COA8: variants seen among roughly 807,000 people sequenced by gnomAD.
The protein encoded by COA8 is cytochrome c oxidase assembly factor 8.
In COA8, 20 loss-of-function variants were observed where a neutral mutation model predicts 22.0. The observed-to-expected ratio is 0.91, with a 90% CI of 0.64 to 1.32. The LOEUF is 1.32. Ranked by LOEUF, COA8 falls within the 40% of genes most tolerant of loss-of-function variation. The pLI is 0.00. For missense variants in COA8, 266 were observed against 230.0 expected, an observed-to-expected ratio of 1.16 and a Z score of -1.01; for synonymous variants, 105 against 79.9, an observed-to-expected ratio of 1.31 and a Z score of -1.68.
chr14:103,587,633 G>A (rs866872212), intron 4 of COA8, among the ~76,000 whole-genome samples: 16 of 149,406 alleles, frequency 1.1e-4, no homozygotes, highest in Admixed American at 2.0e-4. Flanking sequence ...TCAGCCTCCC[G>A]AGTAGCTGGG....
intron 3 of COA8, among the ~76,000 whole-genome samples, chr14:103,583,434 G>C (rs965191168): frequency 4.6e-5 from 7 of 151,536 alleles, no homozygotes; most frequent in Admixed American, 4.0e-4. Flanking sequence ...CCAGCTACTC[G>C]GGAGGCTGAA....
chr14:103,568,514 T>C (rs1301263265), intron 1 of COA8, among the ~76,000 whole-genome samples: 2 of 151,250 alleles, frequency 1.3e-5, no homozygotes, highest in East Asian at 1.9e-4. Flanking sequence ...TGTATACATA[T>C]ATATACACAC....
Position 103,581,617 on chromosome 14 carries a change from A to T in COA8, c.386-5657A>T, listed in dbSNP as rs2076268026. ...GAAACCATGGAAAGAAAAACCATGG[A>T]TGGAGGGGACAGCTGTGCTGCCGCC... On this transcript the variant is annotated intron_variant, in intron 3 of 4. Coordinates refer to ENST00000409074, the MANE Select transcript of COA8 (RefSeq NM_001370595.2). This position sits in a 1 kb window ranked among gnomAD's most constrained non-coding sequence, Gnocchi z 4.1. 1 of 398,652 alleles carries T rather than the reference A, an allele frequency of 2.5e-6. No individual in the cohort carries two copies. The highest frequency in any genetic ancestry group is 4.4e-5 in the Admixed American group (1 of 22,718). 24.7% of individuals were successfully genotyped at this position (398,652 alleles called of 1,614,324 possible).
chr14:103,564,551 C>T (rs1191807750), intron 1 of COA8, among the ~76,000 whole-genome samples: 4 of 139,996 alleles, frequency 2.9e-5, no homozygotes, highest in African/African-American at 1.1e-4. Flanking sequence ...ATAAGGATTT[C>T]TCTATTGTCA....
At chr14:103,572,803 A>G (rs913646309) in intron 2 of COA8, among the ~76,000 whole-genome samples, 1 of 141,056 alleles carries the variant, frequency 7.1e-6, no homozygotes, top group African/African-American at 2.6e-5. Flanking sequence ...TTCTTTTTTG[A>G]GACGGAGTCT....
At chr14:103,564,109 C>T (rs571310470) in intron 1 of COA8, among the ~76,000 whole-genome samples, 7 of 151,718 alleles carry the variant, frequency 4.6e-5, no homozygotes, top group African/African-American at 1.5e-4. Flanking sequence ...GTCGAGATCG[C>T]GCCACTGCAC....
At position 103,590,169 on chromosome 14, in the gene COA8, G is replaced by T; in HGVS notation, c.477-12G>T. ...CCACCGTGTCACCTGTGCATCCTCT[G>T]TTTCTCTACAGAGATTGGTACAAGC... On this transcript the variant is annotated splice_polypyrimidine_tract_variant and intron_variant, in intron 4 of 4. Coordinates refer to ENST00000409074, the MANE Select transcript of COA8 (RefSeq NM_001370595.2). 1 of 1,612,782 alleles carries T rather than the reference G, an allele frequency of 6.2e-7. No individual in the cohort carries two copies. Among genetic ancestry groups the T allele is most frequent in the Non-Finnish European group, 8.5e-7 (1 of 1,178,954 alleles).
At chr14:103,573,614 G>A (rs1433282727) in intron 2 of COA8, among the ~76,000 whole-genome samples, 1 of 150,796 alleles carries the variant, frequency 6.6e-6, no homozygotes, top group Admixed American at 6.6e-5. Context: ...GTGCAGTGGC[G>A]TGATCTCGGC....
In COA8 at chr14:103,585,577, C is replaced by CTTTT. The variant is rs143878801; in HGVS notation, c.386-1683_386-1680dup. On this transcript the variant is annotated intron_variant, in intron 3 of 4. Coordinates refer to ENST00000409074, the MANE Select transcript of COA8 (RefSeq NM_001370595.2). Reference sequence around the variant, plus strand: ...TTCTCCCGTTCTATAGGTTTTTTCTCTTTTTTTTTTTTTTTTTGAAACAGA... The same window carrying CTTTT: ...TTCTCCCGTTCTATAGGTTTTTTCTCTTTTTTTTTTTTTTTTTTTTTGAAACAGA... Among the ~76,000 whole-genome samples, 861 of 128,540 alleles carry CTTTT rather than the reference C, an allele frequency of 6.7e-3. 27 individuals are homozygous for CTTTT. Among genetic ancestry groups the CTTTT allele is most frequent in the African/African-American group, 0.017 (608 of 35,496 alleles). The allele number at this position is 128,540 out of a possible 152,430, so 84.3% of individuals were successfully genotyped here.
Position 103,590,316 on chromosome 14 carries a change from G to A in COA8, c.*30G>A. 1 of 1,580,766 alleles carries A rather than the reference G, an allele frequency of 6.3e-7. No homozygotes were observed. Among genetic ancestry groups the A allele is most frequent in the Non-Finnish European group, 8.7e-7 (1 of 1,154,044 alleles). On this transcript the variant is annotated 3_prime_UTR_variant, in exon 5 of 5. Coordinates refer to ENST00000409074, the MANE Select transcript of COA8 (RefSeq NM_001370595.2). ...CCACTCTGACCCAGCCAGAGTCCAG[G>A]TTTCCACAGGAAGCAGATGGAGCTC...
intron 3 of COA8, among the ~76,000 whole-genome samples, chr14:103,583,717 C>G (rs908131017): frequency 6.6e-5 from 10 of 151,976 alleles, no homozygotes; most frequent in Non-Finnish European, 1.3e-4. Flanking sequence ...GGTTAAAGAC[C>G]CAGTCCCACA....
In COA8 at chr14:103,590,188, T is replaced by TA; in HGVS notation, c.485dup (p.Tyr162Ter). The change falls in exon 5 of 5, where the codon TAC becomes TAAC. Residue 162 changes from tyrosine (Y) to a stop codon, truncating the protein, a stop_gained and frameshift_variant. Transcript: ENST00000409074. LOFTEE classifies it high-confidence loss of function. ...QKHMYYNRDW[Y>*]KRNFAITFFM... is the part of the protein sequence containing the mutation. ...TCCTCTGTTTCTCTACAGAGATTGG[T>TA]ACAAGCGCAATTTTGCCATCACCTT... 6.2e-7 allele frequency: 1 copy of TA among 1,614,026 alleles called. No individual in the cohort carries two copies. The highest frequency in any genetic ancestry group is 1.1e-5 in the South Asian group (1 of 91,078).
At chr14:103,582,131 C>G (rs1595147006) in intron 3 of COA8, among the ~76,000 whole-genome samples, 2 of 151,866 alleles carry the variant, frequency 1.3e-5, no homozygotes, top group Non-Finnish European at 2.9e-5. Context: ...GCTGGAGATG[C>G]AGGAGCCCCT....
At chr14:103,574,312 T>C (rs2076214995) in intron 3 of COA8, 142 bp downstream of exon 3, 1 of 1,115,030 alleles carries the variant, frequency 9.0e-7, no homozygotes, top group African/African-American at 1.5e-5. Context: ...GGCACACCCC[T>C]GTCCAAGTTC....
intron 3 of COA8, among the ~76,000 whole-genome samples, chr14:103,580,186 C>T (rs1026449221): frequency 2.6e-5 from 4 of 152,098 alleles, no homozygotes; most frequent in African/African-American, 9.7e-5. Flanking sequence ...AAGCCATCCT[C>T]CTGCCTCAGC....
intron 1 of COA8, among the ~76,000 whole-genome samples, chr14:103,568,426 G>GAT (rs1440830348): frequency 2.6e-5 from 4 of 151,166 alleles, no homozygotes; most frequent in African/African-American, 7.3e-5. Flanking sequence ...GAAGAAAGGA[G>GAT]ATATGTATAT....
chr14:103,581,752 G>A lies in COA8; in HGVS notation c.386-5522G>A, dbSNP rs2076268759. On this transcript the variant is annotated intron_variant, in intron 3 of 4. Transcript: ENST00000409074. The surrounding 1 kb of genome is among the most constrained non-coding windows in gnomAD (Gnocchi z 4.1). Reference sequence around the variant, plus strand: ...GAAAAGCAGAGCAGGGGGCTGTAGAGTTAAACTGTTCTTCATTCCGGTGGC... The same window carrying A: ...GAAAAGCAGAGCAGGGGGCTGTAGAATTAAACTGTTCTTCATTCCGGTGGC... 5.0e-6 allele frequency: 2 copies of A among 396,770 alleles called. No individual in the cohort carries two copies. The highest frequency in any genetic ancestry group is 4.4e-5 in the Admixed American group (1 of 22,686). 24.6% of individuals were successfully genotyped at this position (396,770 alleles called of 1,614,324 possible).
intron 3 of COA8, among the ~76,000 whole-genome samples, chr14:103,585,013 C>T (rs2076295428): frequency 6.6e-6 from 1 of 151,962 alleles, no homozygotes; most frequent in Non-Finnish European, 1.5e-5. Context: ...TGGTGCGTGC[C>T]TGTAATCCCA....
At chr14:103,590,063 A>C (rs925523624) in intron 4 of COA8, 118 bp from the exon 5 acceptor site, 9 of 786,508 alleles carry the variant, frequency 1.1e-5, no homozygotes, top group Non-Finnish European at 1.7e-5. Flanking sequence ...GGGAAAGGGC[A>C]AAGCAGTTGA....
Sources: allele counts gnomAD v4.1 joint callset (sites outside exome capture counted in the v4.1 genomes callset), GRCh38; gene constraint gnomAD v4.1.1; non-coding constraint Gnocchi (gnomAD v3.1); transcripts MANE v1.5; gene names NCBI Gene and HGNC (gene_info 2026-07-23, HGNC 2026-07-21).